DDR1: variants seen among roughly 807,000 people sequenced by gnomAD.
DDR1 encodes the protein discoidin domain receptor tyrosine kinase 1, also known as epithelial discoidin domain-containing receptor 1.
DDR1 carries 64 observed loss-of-function variants against 97.4 expected under a neutral mutation model. That is an observed-to-expected ratio of 0.66 (90% CI 0.54 to 0.81). The LOEUF (loss-of-function observed/expected upper bound fraction) is 0.81. DDR1 is among the 30% of genes least tolerant of loss of function. The pLI is 0.00. For synonymous variants in DDR1, 458 were observed against 503.7 expected (o/e 0.91, Z 1.21); for missense variants, 990 against 1,259.6 (o/e 0.79, Z 3.24).
In DDR1 at chr6:30,891,575, G is replaced by A; in HGVS notation, c.665+96G>A. On this transcript the variant is annotated intron_variant, in intron 6 of 17. Coordinates refer to ENST00000376568, the MANE Select transcript of DDR1 (RefSeq NM_001297654.2). This position sits in a 1 kb window ranked among gnomAD's most constrained non-coding sequence, Gnocchi z 5.3. Reference sequence around the variant, plus strand: ...TGTGTGTGAGAGTGTGTGTGTGTAGGGGGGCTGGTAAGTAGGGTGGGGAGT... The same window carrying A: ...TGTGTGTGAGAGTGTGTGTGTGTAGAGGGGCTGGTAAGTAGGGTGGGGAGT... 1.1e-6 allele frequency: 1 copy of A among 902,222 alleles called. No homozygotes were observed. Among genetic ancestry groups the A allele is most frequent in the East Asian group, 2.6e-5 (1 of 38,728 alleles). 55.9% of individuals were successfully genotyped at this position (902,222 alleles called of 1,614,324 possible).
In DDR1 at chr6:30,891,228, C is replaced by G. The variant is rs764082863; in HGVS notation, c.565+108C>G. ...CCCTTCTCCTGCTGGGAAGCTGTCACTCTGAGGAGGGGGCTAGCCAGCATT... is the reference window on the plus strand; with the variant it reads ...CCCTTCTCCTGCTGGGAAGCTGTCAGTCTGAGGAGGGGGCTAGCCAGCATT... On this transcript the variant is annotated intron_variant, in intron 5 of 17. Transcript: ENST00000376568. This position sits in a 1 kb window ranked among gnomAD's most constrained non-coding sequence, Gnocchi z 5.3. 6.6e-7 allele frequency: 1 copy of G among 1,523,512 alleles called. No homozygotes were observed. The highest frequency in any genetic ancestry group is 1.8e-5 in the Admixed American group (1 of 56,764). The allele number at this position is 1,523,512 out of a possible 1,614,324, so 94.4% of individuals were successfully genotyped here.
At position 30,897,081 on chromosome 6, in the gene DDR1, A is replaced by G. The variant is rs751234929; in HGVS notation, c.1937A>G (p.Lys646Arg). The G allele has an allele frequency of 1.2e-6, 2 of 1,613,868 alleles. No individual in the cohort carries two copies. The highest frequency in any genetic ancestry group is 1.7e-6 in the Non-Finnish European group (2 of 1,179,936). The stretch of plus-strand genomic sequence containing the variant: ...CTTGATTTCCCCCTTAATGTGCGTA[A>G]GGGACACCCTTTGCTGGTAGCTGTC... ...VSLDFPLNVR[K>R]GHPLLVAVKI... Residue 646 changes from lysine to arginine, a missense_variant, in exon 14 of 18, where the codon AAG (lysine) becomes AGG (arginine). Coordinates refer to ENST00000376568, the MANE Select transcript of DDR1 (RefSeq NM_001297654.2). The surrounding 1 kb of genome is among the most constrained non-coding windows in gnomAD (Gnocchi z 5.2).
chr6:30,897,556 G>T lies in DDR1; in HGVS notation c.2175G>T (p.Gly725=), dbSNP rs376542836. 1.9e-6 allele frequency: 3 copies of T among 1,613,678 alleles called. No homozygotes were observed. In the South Asian group the frequency reaches 3.3e-5, roughly 18 times the overall value. The change falls in exon 15 of 18, where the codon GGG becomes GGT. Residue 725 remains glycine (G), a synonymous_variant. Coordinates refer to ENST00000376568, the MANE Select transcript of DDR1 (RefSeq NM_001297654.2). The surrounding 1 kb of genome is among the most constrained non-coding windows in gnomAD (Gnocchi z 5.2). The part of the protein sequence containing the change: ...AHQLEDKAAE[G]APGDGQAAQG... Reference sequence around the variant, plus strand: ...AGCTGGAGGACAAGGCAGCCGAGGGGGCCCCTGGGGACGGGCAGGCTGCGC... The same window carrying T: ...AGCTGGAGGACAAGGCAGCCGAGGGTGCCCCTGGGGACGGGCAGGCTGCGC...
Position 30,897,619 on chromosome 6 carries a change from G to A in DDR1, c.2216+22G>A. On this transcript the variant is annotated intron_variant, in intron 15 of 17. Coordinates refer to ENST00000376568, the MANE Select transcript of DDR1 (RefSeq NM_001297654.2). This position sits in a 1 kb window ranked among gnomAD's most constrained non-coding sequence, Gnocchi z 5.2. Reference sequence around the variant, plus strand: ...TCAGGTACCTGCTTACCCAGGCTGGGCCTTGCTCAGAATTCCCCCAGGGGA... The same window carrying A: ...TCAGGTACCTGCTTACCCAGGCTGGACCTTGCTCAGAATTCCCCCAGGGGA... The A allele has an allele frequency of 6.3e-7, 1 of 1,589,704 alleles. No homozygotes were observed. Among genetic ancestry groups the A allele is most frequent in the Non-Finnish European group, 8.6e-7 (1 of 1,167,620 alleles).
Position 30,889,365 on chromosome 6 carries a change from T to C in DDR1, c.352T>C (p.Tyr118His). Residue 118 changes from tyrosine (Y) to histidine (H), a missense_variant, in exon 4 of 18, where the codon TAC (tyrosine) becomes CAC (histidine). By Grantham distance (83) the Tyr-to-His change is moderately conservative. Transcript: ENST00000376568. The surrounding 1 kb of genome is among the most constrained non-coding windows in gnomAD (Gnocchi z 4.9). ...CCTGGGCAAGGAGTTCTCCCGGAGCTACCGGCTGCGTTACTCCCGGGATGG... is the reference window on the plus strand; with the variant it reads ...CCTGGGCAAGGAGTTCTCCCGGAGCCACCGGCTGCGTTACTCCCGGGATGG... Reference protein sequence around the residue: ...GGLGKEFSRSYRLRYSRDGRR... With the variant: ...GGLGKEFSRSHRLRYSRDGRR... The C allele has an allele frequency of 6.2e-7, 1 of 1,608,056 alleles. No homozygotes were observed. Among genetic ancestry groups the C allele is most frequent in the Non-Finnish European group, 8.5e-7 (1 of 1,177,380 alleles).
Position 30,893,180 on chromosome 6 carries a change from G to T in DDR1, c.1195+17G>T, listed in dbSNP as rs750264052. On this transcript the variant is annotated intron_variant, in intron 9 of 17. Transcript: ENST00000376568. ...GCAGCTTGGGTGAGCAATCTTGGGT[G>T]GGCGTGTGGACCCTCTGCACCCTTC... is the stretch of plus-strand genomic sequence containing the variant. 6.2e-7 allele frequency: 1 copy of T among 1,604,042 alleles called. No homozygotes were observed. Among genetic ancestry groups the T allele is most frequent in the Non-Finnish European group, 8.5e-7 (1 of 1,178,290 alleles).
At position 30,893,172 on chromosome 6, in the gene DDR1, T is replaced by A; in HGVS notation, c.1195+9T>A. The A allele has an allele frequency of 6.2e-7, 1 of 1,605,988 alleles. No individual in the cohort carries two copies. The highest frequency in any genetic ancestry group is 8.5e-7 in the Non-Finnish European group (1 of 1,178,842). On this transcript the variant is annotated intron_variant, in intron 9 of 17. Transcript: ENST00000376568. ...CAACTTCAGCAGCTTGGGTGAGCAA[T>A]CTTGGGTGGGCGTGTGGACCCTCTG...
chr6:30,891,002 A>G lies in DDR1; in HGVS notation c.447A>G (p.Gly149=). 1 of 1,611,654 alleles carries G rather than the reference A, an allele frequency of 6.2e-7. No individual in the cohort carries two copies. Among genetic ancestry groups the G allele is most frequent in the Non-Finnish European group, 8.5e-7 (1 of 1,179,344 alleles). The stretch of plus-strand genomic sequence containing the variant: ...TCTCAGGCAATGAGGACCCTGAGGG[A>G]GTGGTGCTGAAGGACCTTGGGCCCC... ...EVISGNEDPE[G]VVLKDLGPPM... is the part of the protein sequence containing the mutation. Residue 149 remains glycine, a synonymous_variant, in exon 5 of 18, where the codon GGA becomes GGG. Coordinates refer to ENST00000376568, the MANE Select transcript of DDR1 (RefSeq NM_001297654.2). The surrounding 1 kb of genome is among the most constrained non-coding windows in gnomAD (Gnocchi z 5.3).
upstream of DDR1, chr6:30,881,873 TCCCTTGCC>T (rs1784374411): frequency 6.5e-6 from 1 of 152,978 alleles, no homozygotes; most frequent in Non-Finnish European, 1.5e-5. Context: ...CCTCTTCTGG[TCCCTTGCC>T]CTTTTCTTCC....
intron 1 of DDR1, chr6:30,885,082 T>C: frequency 1.0e-6 from 1 of 976,900 alleles, no homozygotes; most frequent in Admixed American, 2.2e-5. Context: ...TGCGGGCATC[T>C]AACTGCTAAG....
chr6:30,892,405 A>T lies in DDR1; in HGVS notation c.962A>T (p.Asn321Ile), dbSNP rs2150356609. The change falls in exon 8 of 18, where the codon AAC (asparagine) becomes ATC (isoleucine). Residue 321 changes from asparagine to isoleucine, a missense_variant. By Grantham distance (149) the Asn-to-Ile change is moderately radical. Coordinates refer to ENST00000376568, the MANE Select transcript of DDR1 (RefSeq NM_001297654.2). ...MAWEGEPMRH[N>I]LGGNLGDPRA... ...TGGGAGGGGGAGCCCATGCGCCACAACCTAGGGGGCAACCTGGGGGACCCC... is the reference window on the plus strand; with the variant it reads ...TGGGAGGGGGAGCCCATGCGCCACATCCTAGGGGGCAACCTGGGGGACCCC... The T allele has an allele frequency of 1.2e-6, 2 of 1,602,544 alleles. No individual in the cohort carries two copies. The highest frequency in any genetic ancestry group is 1.7e-6 in the Non-Finnish European group (2 of 1,178,048).
rs922551272 is a variant in DDR1, at chr6:30,894,731, C to T, written c.1513+60C>T. On this transcript the variant is annotated intron_variant, in intron 11 of 17. Coordinates refer to ENST00000376568, the MANE Select transcript of DDR1 (RefSeq NM_001297654.2). The surrounding 1 kb of genome is among the most constrained non-coding windows in gnomAD (Gnocchi z 5.7). ...CTCTCTGCTGTTTTCTTATTGTATC[C>T]CTTTCCCATTCTCTTTTTTTCCTGT... 29 of 1,470,884 alleles carry T rather than the reference C, an allele frequency of 2.0e-5. No individual in the cohort carries two copies. The highest frequency in any genetic ancestry group is 2.5e-5 in the Non-Finnish European group (28 of 1,103,972). 91.1% of individuals were successfully genotyped at this position (1,470,884 alleles called of 1,614,324 possible).
chr6:30,899,496 C>A lies in DDR1; in HGVS notation c.*200C>A, dbSNP rs1375333155. On this transcript the variant is annotated 3_prime_UTR_variant, in exon 18 of 18. Transcript: ENST00000376568. ...CCCCTTCCTGGACACACTCTCATGT[C>A]CCCTTCCTGTTCTTCCTTCCTAGAA... The A allele has an allele frequency of 1.6e-6, 1 of 636,246 alleles. No homozygotes were observed. Among genetic ancestry groups the A allele is most frequent in the South Asian group, 2.3e-5 (1 of 43,380 alleles). 39.4% of individuals were successfully genotyped at this position (636,246 alleles called of 1,614,324 possible).
chr6:30,899,607 TATAGG>T lies in DDR1; in HGVS notation c.*316_*320del. On this transcript the variant is annotated 3_prime_UTR_variant, in exon 18 of 18. Coordinates refer to ENST00000376568, the MANE Select transcript of DDR1 (RefSeq NM_001297654.2). The stretch of plus-strand genomic sequence containing the variant: ...TCCCTTGGGGAAGGGTGGGGAGAAA[TATAGG>T]ATAGACACTGGACATGGCCCATTGG... 2 of 476,178 alleles carry T rather than the reference TATAGG, an allele frequency of 4.2e-6. No individual in the cohort carries two copies. The highest frequency in any genetic ancestry group is 7.0e-5 in the East Asian group (2 of 28,378). The allele number at this position is 476,178 out of a possible 1,614,324, so 29.5% of individuals were successfully genotyped here. A position where few individuals can be genotyped will look rare whatever the true frequency, so the allele number is the denominator to read the frequency against.
rs1789864534 is a variant in DDR1 at position 30,894,321 on chromosome 6, G to T, written c.1348-185G>T. ...CAGATGAGGGTTAGAATCTCATTGT[G>T]GGACAGGGAAGTTACCTCCATGCTC... On this transcript the variant is annotated intron_variant, in intron 10 of 17. Transcript: ENST00000376568. This position sits in a 1 kb window ranked among gnomAD's most constrained non-coding sequence, Gnocchi z 5.7. Among the ~76,000 whole-genome samples the T allele has an allele frequency of 6.6e-6, 1 of 152,150 alleles. No individual in the cohort carries two copies. Among genetic ancestry groups the T allele is most frequent in the South Asian group, 2.1e-4 (1 of 4,830 alleles).
chr6:30,885,608 T>C, intron 1 of DDR1: 2 of 1,374,284 alleles, frequency 1.5e-6, no homozygotes, highest in Non-Finnish European at 1.9e-6. Flanking sequence ...GTGGTGTCTG[T>C]CATTTCATGT....
In DDR1 at chr6:30,892,320, C is replaced by G. The variant is rs1483503419; in HGVS notation, c.877C>G (p.Leu293Val). Residue 293 changes from leucine to valine, a missense_variant, in exon 8 of 18, where the codon CTG (leucine) becomes GTG (valine). Transcript: ENST00000376568. Reference protein sequence around the residue: ...MQVHCNNMHTLGARLPGGVEC... With the variant: ...MQVHCNNMHTVGARLPGGVEC... The stretch of plus-strand genomic sequence containing the variant: ...GGTCCACTGTAACAACATGCACACG[C>G]TGGGAGCCCGTCTGCCTGGCGGGGT... 4 of 1,574,366 alleles carry G rather than the reference C, an allele frequency of 2.5e-6. No homozygotes were observed. Among genetic ancestry groups the G allele is most frequent in the Non-Finnish European group, 8.6e-7 (1 of 1,159,222 alleles).
rs9281074 is a variant in DDR1 at position 30,891,527 on chromosome 6, C to CTGTGTGTGTGTG, written c.665+67_665+78dup. ...ATGGAGTTTGGGGTGGGAGGGAGGACTGTGTGTGTGTGTGTGTGTGTGTGT... is the reference window on the plus strand; with the variant it reads ...ATGGAGTTTGGGGTGGGAGGGAGGACTGTGTGTGTGTGTGTGTGTGTGTGTGTGTGTGTGTGT... On this transcript the variant is annotated intron_variant, in intron 6 of 17. Coordinates refer to ENST00000376568, the MANE Select transcript of DDR1 (RefSeq NM_001297654.2). The surrounding 1 kb of genome is among the most constrained non-coding windows in gnomAD (Gnocchi z 5.3). 1.9e-5 allele frequency: 15 copies of CTGTGTGTGTGTG among 798,314 alleles called. No individual in the cohort carries two copies. The highest frequency in any genetic ancestry group is 1.2e-4 in the African/African-American group (6 of 50,422). The allele number at this position is 798,314 out of a possible 1,614,324, so 49.5% of individuals were successfully genotyped here.
chr6:30,885,692 T>C (rs916003778), intron 1 of DDR1: 8 of 1,314,286 alleles, frequency 6.1e-6, no homozygotes, highest in East Asian at 5.0e-5. Context: ...TGTGGACGGG[T>C]TGATGTATGC....
Sources: gnomAD v4.1 joint callset for allele counts (sites outside exome capture counted in the v4.1 genomes callset) on GRCh38, gnomAD v4.1.1 for gene constraint, Gnocchi (gnomAD v3.1) non-coding constraint, MANE v1.5 for transcripts, NCBI Gene and HGNC (gene_info 2026-07-23, HGNC 2026-07-21) for gene names.